Variants in RBM6 observed in about 807,000 individuals in gnomAD.
RBM6 encodes the protein RNA-binding protein 6.
Under a neutral mutation model 140.4 loss-of-function variants are expected in RBM6, and 23 were observed. The observed-to-expected ratio is 0.16, with a 90% CI of 0.12 to 0.23. The LOEUF (loss-of-function observed/expected upper bound fraction) is 0.23, where lower values mean the gene tolerates loss of function less well. RBM6 is among the 10% of genes least tolerant of loss of function. The pLI, the probability that RBM6 is intolerant of heterozygous loss-of-function variation, is 1.00. For missense variants in RBM6, 1,139 were observed against 1,386.7 expected (o/e 0.82, Z 2.84); for synonymous variants, 439 against 475.6 (o/e 0.92, Z 1.00).
chr3:50,025,089 T>C (rs2087725824), intron 6 of RBM6, among the ~76,000 whole-genome samples: 1 of 151,672 alleles, frequency 6.6e-6, no homozygotes, highest in Non-Finnish European at 1.5e-5. Flanking sequence ...GGTTTTTTTT[T>C]TTCCCCCATT....
At chr3:50,057,106 G>A (rs189648785) in intron 8 of RBM6, among the ~76,000 whole-genome samples, 2 of 152,242 alleles carry the variant, frequency 1.3e-5, no homozygotes, top group African/African-American at 4.8e-5. Flanking sequence ...TCAGGTTCAA[G>A]GTGTCATGAA....
chr3:50,060,009 G>A (rs1163559151), intron 11 of RBM6, among the ~76,000 whole-genome samples: 1 of 152,118 alleles, frequency 6.6e-6, no homozygotes, highest in Non-Finnish European at 1.5e-5. Flanking sequence ...TGGCGTGGTA[G>A]CACATATCTC....
intron 2 of RBM6, 109 bp downstream of exon 2, chr3:49,962,794 G>C (rs1241349786): frequency 9.1e-6 from 11 of 1,209,548 alleles, no homozygotes; most frequent in Non-Finnish European, 1.3e-5. Flanking sequence ...AATAGTTTCT[G>C]ATTTTTTAAA....
rs138862182 is a variant in RBM6, at chr3:49,971,576, C to T, written c.1324-483C>T. Reference sequence around the variant, plus strand: ...TTTTGAGACGGGGGTCTCGCTCTGTCACCCAGGCTGGAGTGCAGTGGCACA... The same window carrying T: ...TTTTGAGACGGGGGTCTCGCTCTGTTACCCAGGCTGGAGTGCAGTGGCACA... On this transcript the variant is annotated intron_variant, in intron 3 of 20. Coordinates refer to ENST00000266022, the MANE Select transcript of RBM6 (RefSeq NM_005777.3). 5.9e-3 allele frequency among the ~76,000 whole-genome samples: 841 copies of T among 142,930 alleles called. 11 individuals carry two copies. The highest frequency in any genetic ancestry group is 0.02 in the African/African-American group (770 of 38,724). 93.8% of individuals were successfully genotyped at this position (142,930 alleles called of 152,430 possible). A position where few individuals can be genotyped will look rare whatever the true frequency, so the allele number is the denominator to read the frequency against.
At chr3:50,050,268 A>C (rs1224133958) in intron 7 of RBM6, among the ~76,000 whole-genome samples, 1 of 152,166 alleles carries the variant, frequency 6.6e-6, no homozygotes, top group Non-Finnish European at 1.5e-5. Context: ...TCTTTTTTCT[A>C]TCTCCATGGA....
chr3:49,946,772 T>C (rs1307209739), intron 1 of RBM6, among the ~76,000 whole-genome samples: 1 of 151,690 alleles, frequency 6.6e-6, no homozygotes, highest in Non-Finnish European at 1.5e-5. Context: ...TGACCTCAAG[T>C]GATCTGTCCA....
At chr3:50,041,345 G>T (rs1054952693) in intron 6 of RBM6, among the ~76,000 whole-genome samples, 1 of 152,196 alleles carries the variant, frequency 6.6e-6, no homozygotes, top group African/African-American at 2.4e-5. Flanking sequence ...AGGCCAACAG[G>T]CAGAGCTATA....
intron 6 of RBM6, among the ~76,000 whole-genome samples, chr3:50,025,225 C>T (rs1312699982): frequency 6.6e-6 from 1 of 151,854 alleles, no homozygotes; most frequent in Admixed American, 6.6e-5. Flanking sequence ...AGAAGCAAGA[C>T]CAGCCTGGCT....
At chr3:50,037,137 C>A (rs1271872723) in intron 6 of RBM6, among the ~76,000 whole-genome samples, 1 of 152,104 alleles carries the variant, frequency 6.6e-6, no homozygotes, top group East Asian at 1.9e-4. Flanking sequence ...TGATGGCTAA[C>A]ACCTGTAATT....
intron 7 of RBM6, among the ~76,000 whole-genome samples, chr3:50,049,903 G>T (rs1040064701): frequency 2.0e-5 from 3 of 149,836 alleles, no homozygotes; most frequent in Non-Finnish European, 3.0e-5. Context: ...GCCCAGGCTG[G>T]TCTCACAGTC....
intron 5 of RBM6, among the ~76,000 whole-genome samples, chr3:49,998,557 C>G (rs937474173): frequency 9.2e-5 from 14 of 152,162 alleles, no homozygotes; most frequent in Non-Finnish European, 1.8e-4. Flanking sequence ...GATTCTAGTT[C>G]AGCAACCTAT....
chr3:49,945,532 C>T (rs574883711), intron 1 of RBM6, among the ~76,000 whole-genome samples: 1 of 151,940 alleles, frequency 6.6e-6, no homozygotes, highest in African/African-American at 2.4e-5. Flanking sequence ...AGCCCTAAGC[C>T]CCAGTGTGAC....
intron 6 of RBM6, among the ~76,000 whole-genome samples, chr3:50,009,483 G>A (rs1344004630): frequency 6.6e-6 from 1 of 152,138 alleles, no homozygotes; most frequent in Non-Finnish European, 1.5e-5. Context: ...TCATCCTCTA[G>A]TGCATAGATT....
intron 6 of RBM6, among the ~76,000 whole-genome samples, chr3:50,001,875 G>A (rs1014280570): frequency 6.6e-6 from 1 of 152,178 alleles, no homozygotes; most frequent in African/African-American, 2.4e-5. Context: ...AGAAAATGAA[G>A]CAGGGTATTG....
chr3:49,994,669 G>GGTGTGTGTGTGTGTGTGTGT lies in RBM6; in HGVS notation c.1484-4764_1484-4745dup, dbSNP rs59949998. On this transcript the variant is annotated intron_variant, in intron 5 of 20. Coordinates refer to ENST00000266022, the MANE Select transcript of RBM6 (RefSeq NM_005777.3). ...TTTTGTTTGGAGAAAAAGGCTGTGG[G>GGTGTGTGTGTGTGTGTGTGT]GTGTGTGTGTGTGTGTGTGTGTGTG... is the stretch of plus-strand genomic sequence containing the variant. Among the ~76,000 whole-genome samples the GGTGTGTGTGTGTGTGTGTGT allele has an allele frequency of 4.0e-3, 587 of 148,256 alleles. 5 individuals carry two copies. The highest frequency in any genetic ancestry group is 0.012 in the African/African-American group (470 of 40,106).
At chr3:50,038,111 C>T (rs972043363) in intron 6 of RBM6, among the ~76,000 whole-genome samples, 1 of 151,902 alleles carries the variant, frequency 6.6e-6, no homozygotes, top group Admixed American at 6.6e-5. Context: ...TGTGAGCCAC[C>T]GCTGCCGGTT....
At chr3:49,964,088 G>A (rs948152152) in intron 2 of RBM6, among the ~76,000 whole-genome samples, 3 of 150,958 alleles carry the variant, frequency 2.0e-5, no homozygotes, top group Non-Finnish European at 3.0e-5. Context: ...TTTTTTTTTA[G>A]TAGAGATGGC....
intron 1 of RBM6, among the ~76,000 whole-genome samples, chr3:49,960,988 C>T (rs1409297116): frequency 2.0e-5 from 3 of 150,656 alleles, no homozygotes; most frequent in Non-Finnish European, 4.4e-5. Context: ...TGGCTCACTG[C>T]AGCCTCAACC....
chr3:50,066,582 C>T, intron 17 of RBM6, 80 bp downstream of exon 17: 2 of 1,515,964 alleles, frequency 1.3e-6, no homozygotes, highest in Non-Finnish European at 1.8e-6. Flanking sequence ...AATCCTAGCA[C>T]TTTGGGAGGC....
Sources: allele counts gnomAD v4.1 joint callset (sites outside exome capture counted in the v4.1 genomes callset), GRCh38; gene constraint gnomAD v4.1.1; transcripts MANE v1.5; gene names NCBI Gene and HGNC (gene_info 2026-07-23, HGNC 2026-07-21).